Variants in FBXO11 observed in about 807,000 individuals in gnomAD.
FBXO11 encodes F-box only protein 11.
In FBXO11, 13 loss-of-function variants were observed where a neutral mutation model predicts 117.0. That is an observed-to-expected ratio of 0.11 (90% confidence interval 0.07 to 0.18). FBXO11 has a LOEUF of 0.18. Ranked by LOEUF, FBXO11 falls within the 10% of genes least tolerant of loss-of-function variation. The pLI is 1.00. For synonymous variants in FBXO11, 490 were observed against 380.5 expected, an observed-to-expected ratio of 1.29 and a Z score of -3.35; for missense variants, 767 against 1,164.4, an observed-to-expected ratio of 0.66 and a Z score of 4.97.
intron 1 of FBXO11, among the ~76,000 whole-genome samples, chr2:47,866,803 C>T (rs1200231866): frequency 6.6e-6 from 1 of 152,110 alleles, no homozygotes; most frequent in East Asian, 1.9e-4. Context: ...AACCTTTCAG[C>T]TGCATGTCAC....
chr2:47,853,218 C>T (rs912021676), intron 1 of FBXO11, among the ~76,000 whole-genome samples: 2 of 151,866 alleles, frequency 1.3e-5, no homozygotes, highest in African/African-American at 4.8e-5. Context: ...ATTACAGGCA[C>T]TCACCACCAA....
intron 4 of FBXO11, 113 bp from the exon 5 acceptor site, chr2:47,836,114 G>C: frequency 4.6e-6 from 3 of 645,620 alleles, no homozygotes; most frequent in Non-Finnish European, 7.4e-6. Flanking sequence ...AAGAAAGTAA[G>C]AATAGACAAA....
At chr2:47,904,174 A>C (rs1428493692) in intron 1 of FBXO11, among the ~76,000 whole-genome samples, 1 of 152,222 alleles carries the variant, frequency 6.6e-6, no homozygotes, top group Non-Finnish European at 1.5e-5. Context: ...AAAAACATTT[A>C]ATCTCAATCC....
chr2:47,825,989 C>T (rs542277359), intron 11 of FBXO11, among the ~76,000 whole-genome samples: 12 of 152,106 alleles, frequency 7.9e-5, no homozygotes, highest in African/African-American at 2.2e-4. Context: ...TATTCAAATG[C>T]AAGGGATAAT....
intron 16 of FBXO11, among the ~76,000 whole-genome samples, chr2:47,818,257 A>C (rs1163263405): frequency 6.6e-6 from 1 of 152,268 alleles, no homozygotes; most frequent in Non-Finnish European, 1.5e-5. Context: ...TATTGCCACA[A>C]AACTTCAATT....
chr2:47,887,854 C>G (rs1676979958), intron 1 of FBXO11, among the ~76,000 whole-genome samples: 2 of 152,096 alleles, frequency 1.3e-5, no homozygotes, highest in Non-Finnish European at 2.9e-5. Context: ...GAGATTCTGT[C>G]TCAAAAAAAC....
intron 1 of FBXO11, among the ~76,000 whole-genome samples, chr2:47,889,897 T>A (rs975018936): frequency 6.6e-6 from 1 of 152,206 alleles, no homozygotes; most frequent in Non-Finnish European, 1.5e-5. Flanking sequence ...TCATCTTCCA[T>A]CATTCAACAG....
intron 1 of FBXO11, among the ~76,000 whole-genome samples, chr2:47,898,315 T>C (rs938764527): frequency 6.6e-6 from 1 of 152,170 alleles, no homozygotes; most frequent in African/African-American, 2.4e-5. Flanking sequence ...TTTAAGCACA[T>C]TTTTTATGCT....
intron 1 of FBXO11, chr2:47,865,670 C>G (rs902264018): frequency 6.6e-6 from 1 of 152,008 alleles, no homozygotes; most frequent in Non-Finnish European, 1.5e-5. Context: ...AATAGTCATA[C>G]AAAGTAAAAA....
chr2:47,810,082 TA>T (rs1468830889), intron 19 of FBXO11: 1 of 503,184 alleles, frequency 2.0e-6, no homozygotes, highest in Non-Finnish European at 3.5e-6. Context: ...TCTATCCCAA[TA>T]AATGTTTCAT....
intron 1 of FBXO11, among the ~76,000 whole-genome samples, chr2:47,861,943 G>A (rs530782864): frequency 1.0e-4 from 15 of 149,938 alleles, no homozygotes; most frequent in African/African-American, 3.7e-4. Flanking sequence ...ATCTTGCTCT[G>A]TTTCTGTTGC....
intron 1 of FBXO11, among the ~76,000 whole-genome samples, chr2:47,844,434 T>C (rs1221160082): frequency 1.3e-5 from 2 of 152,194 alleles, no homozygotes; most frequent in African/African-American, 4.8e-5. Context: ...CCCAAGGCCA[T>C]ATATCCTATC....
intron 1 of FBXO11, among the ~76,000 whole-genome samples, chr2:47,844,067 T>G (rs1246157738): frequency 6.6e-6 from 1 of 152,184 alleles, no homozygotes; most frequent in Non-Finnish European, 1.5e-5. Context: ...TAACCATTTA[T>G]TGCTAGACTT....
Position 47,807,399 on chromosome 2 carries a change from AT to A in FBXO11, c.*718del. On this transcript the variant is annotated 3_prime_UTR_variant, in exon 23 of 23. Coordinates refer to ENST00000403359, the MANE Select transcript of FBXO11 (RefSeq NM_001190274.2). ...AAAACACTCACTTTTTCTAGGGGTG[AT>A]TTTGAATGCTGCACAGGGAAGGGAA... 4.8e-6 allele frequency: 1 copy of A among 207,294 alleles called. No individual in the cohort carries two copies. 12.8% of individuals were successfully genotyped at this position (207,294 alleles called of 1,614,324 possible).
At chr2:47,824,253 C>G (rs772186768) in intron 11 of FBXO11, among the ~76,000 whole-genome samples, 1 of 152,148 alleles carries the variant, frequency 6.6e-6, no homozygotes, top group African/African-American at 2.4e-5. Context: ...TTTGGAAGAC[C>G]GAGCAGGGAG....
At chr2:47,819,193 G>A in intron 14 of FBXO11, 115 bp from the exon 15 acceptor site, 1 of 905,608 alleles carries the variant, frequency 1.1e-6, no homozygotes, top group Non-Finnish European at 1.7e-6. Flanking sequence ...TTTCATCCGA[G>A]TAAGGAGGTA....
intron 11 of FBXO11, among the ~76,000 whole-genome samples, chr2:47,831,216 A>G (rs1019553043): frequency 2.6e-5 from 4 of 151,904 alleles, no homozygotes; most frequent in Non-Finnish European, 5.9e-5. Context: ...CAGGAGTTCA[A>G]GCCCAGCCTG....
chr2:47,855,298 T>A (rs1674199001), intron 1 of FBXO11, among the ~76,000 whole-genome samples: 1 of 151,804 alleles, frequency 6.6e-6, no homozygotes, highest in South Asian at 2.1e-4. Context: ...CTTCTGGAGC[T>A]CAAGTGATCC....
intron 1 of FBXO11, among the ~76,000 whole-genome samples, chr2:47,887,699 A>G (rs1299091370): frequency 6.6e-6 from 1 of 151,950 alleles, no homozygotes; most frequent in Non-Finnish European, 1.5e-5. Flanking sequence ...CGTCTTTACA[A>G]AAAATACAAA....
Sources: allele counts gnomAD v4.1 joint callset (sites outside exome capture counted in the v4.1 genomes callset), GRCh38; gene constraint gnomAD v4.1.1; transcripts MANE v1.5; gene names NCBI Gene and HGNC (gene_info 2026-07-23, HGNC 2026-07-21).